The following ATF6 variants were observed in gnomAD, a reference collection of about 807,000 sequenced individuals.
The protein encoded by ATF6 is cyclic AMP-dependent transcription factor ATF-6 alpha.
Under a neutral mutation model 83.6 loss-of-function variants are expected in ATF6, and 53 were observed. The ratio of observed to expected loss-of-function variants is 0.63; its 90% CI spans 0.51 to 0.80. The LOEUF (loss-of-function observed/expected upper bound fraction) is 0.80, where lower values mean the gene tolerates loss of function less well. ATF6 is among the 30% of genes least tolerant of loss of function. ATF6 has a pLI of 0.00. For missense variants in ATF6, 744 were observed against 797.9 expected, an observed-to-expected ratio of 0.93 and a Z score of 0.81; for synonymous variants, 288 against 285.8, an observed-to-expected ratio of 1.01 and a Z score of -0.08.
Position 161,781,969 on chromosome 1 carries a change from A to T in ATF6, c.217A>T (p.Ile73Phe). 6.2e-7 allele frequency: 1 copy of T among 1,611,440 alleles called. No individual in the cohort carries two copies. Among genetic ancestry groups the T allele is most frequent in the Non-Finnish European group, 8.5e-7 (1 of 1,178,742 alleles). ...DLDLMPWESD[I>F]WDINNQICTV... ...GGATTTGATGCCTTGGGAGTCAGACATTTGGGACATCAACAACCAAATCTG... is the reference window on the plus strand; with the variant it reads ...GGATTTGATGCCTTGGGAGTCAGACTTTTGGGACATCAACAACCAAATCTG... Residue 73 changes from isoleucine (I) to phenylalanine (F), a missense_variant, in exon 3 of 16, where the codon ATT (isoleucine) becomes TTT (phenylalanine). Transcript: ENST00000367942.
intron 1 of ATF6, among the ~76,000 whole-genome samples, chr1:161,767,149 G>C (rs909613653): frequency 6.6e-6 from 1 of 152,168 alleles, no homozygotes; most frequent in African/African-American, 2.4e-5. Flanking sequence ...TTCTCCTCTT[G>C]ATTGCAAGAT....
chr1:161,818,717 C>T (rs915931300), intron 7 of ATF6, among the ~76,000 whole-genome samples: 1 of 152,054 alleles, frequency 6.6e-6, no homozygotes, highest in South Asian at 2.1e-4. Flanking sequence ...TATGAAGTAG[C>T]CTTAAATGAT....
intron 3 of ATF6, among the ~76,000 whole-genome samples, chr1:161,782,784 C>G (rs1395618960): frequency 9.6e-6 from 1 of 104,388 alleles, no homozygotes; most frequent in Admixed American, 1.1e-4. Flanking sequence ...AGTCAGTGTT[C>G]TGGTTTTATC....
chr1:161,860,127 G>C, intron 12 of ATF6, 80 bp from the exon 13 acceptor site: 1 of 879,154 alleles, frequency 1.1e-6, no homozygotes, highest in African/African-American at 1.7e-5. Context: ...ACAAATTTAA[G>C]TATAGAATGA....
intron 15 of ATF6, among the ~76,000 whole-genome samples, chr1:161,951,008 A>G (rs1688852614): frequency 1.3e-5 from 2 of 152,214 alleles, no homozygotes; most frequent in Admixed American, 1.3e-4. Flanking sequence ...CAAATCTAAT[A>G]CCATTAGTCT....
intron 12 of ATF6, among the ~76,000 whole-genome samples, chr1:161,859,638 T>C (rs915237527): frequency 1.3e-5 from 2 of 152,188 alleles, no homozygotes; most frequent in Non-Finnish European, 2.9e-5. Flanking sequence ...TAAAAAGGCA[T>C]AGTGCAAAGC....
chr1:161,803,888 A>G (rs1024197877), intron 7 of ATF6, among the ~76,000 whole-genome samples: 2 of 151,928 alleles, frequency 1.3e-5, no homozygotes, highest in African/African-American at 2.4e-5. Flanking sequence ...CATGTGCACA[A>G]TGTGCAGGTT....
At chr1:161,931,383 G>A (rs1390019260) in intron 15 of ATF6, among the ~76,000 whole-genome samples, 4 of 152,108 alleles carry the variant, frequency 2.6e-5, no homozygotes, top group African/African-American at 9.7e-5. Flanking sequence ...ATATTAAATA[G>A]CAGTATCGAA....
chr1:161,767,783 T>C (rs1339947368), intron 1 of ATF6, among the ~76,000 whole-genome samples: 1 of 152,254 alleles, frequency 6.6e-6, no homozygotes, highest in Non-Finnish European at 1.5e-5. Context: ...TTAATAAGAC[T>C]ACTTGAATAT....
intron 14 of ATF6, among the ~76,000 whole-genome samples, chr1:161,892,628 C>CTTTTTTTTTTTTTTTTTT (rs773642361): frequency 2.4e-5 from 3 of 124,714 alleles, no homozygotes; most frequent in African/African-American, 6.1e-5. Flanking sequence ...ACAGGTCATT[C>CTTTTTTTTTTTTTTTTTT]TTTTTTTTTT....
intron 15 of ATF6, among the ~76,000 whole-genome samples, chr1:161,954,412 C>G (rs1688926339): frequency 6.6e-6 from 1 of 152,186 alleles, no homozygotes; most frequent in Admixed American, 6.5e-5. Context: ...CTAGTTTACA[C>G]AGAGAAAGCT....
intron 15 of ATF6, among the ~76,000 whole-genome samples, chr1:161,916,746 T>G (rs1688110366): frequency 6.6e-6 from 1 of 152,192 alleles, no homozygotes; most frequent in Non-Finnish European, 1.5e-5. Flanking sequence ...TTAGACTTAT[T>G]TAGGTATAAT....
Position 161,872,487 on chromosome 1 carries a change from G to A in ATF6, c.1719+9175G>A, listed in dbSNP as rs1687141822. 3.3e-5 allele frequency among the ~76,000 whole-genome samples: 5 copies of A among 151,578 alleles called. 1 individual carries two copies. In the South Asian group the frequency reaches 1.0e-3, roughly 31 times the overall value. ...GCCACATGTTACTCAAAGTAATAGT[G>A]TAGGAGGAACAAGAGCCAGCAGGGA... On this transcript the variant is annotated intron_variant, in intron 14 of 15. Coordinates refer to ENST00000367942, the MANE Select transcript of ATF6 (RefSeq NM_007348.4).
chr1:161,849,056 T>C (rs1440934875), intron 10 of ATF6, among the ~76,000 whole-genome samples: 1 of 152,188 alleles, frequency 6.6e-6, no homozygotes, highest in Non-Finnish European at 1.5e-5. Flanking sequence ...TTTGGACTTT[T>C]CTCATGGACT....
chr1:161,946,193 C>T (rs1019438889), intron 15 of ATF6, among the ~76,000 whole-genome samples: 1 of 152,092 alleles, frequency 6.6e-6, no homozygotes, highest in African/African-American at 2.4e-5. Flanking sequence ...CAGGAGTACT[C>T]CATGTTGCCC....
Position 161,863,274 on chromosome 1 carries a change from A to G in ATF6, c.1681A>G (p.Arg561Gly). The change falls in exon 14 of 16, where the codon AGA (arginine) becomes GGA (glycine). Residue 561 changes from arginine (R) to glycine (G), a missense_variant. Coordinates refer to ENST00000367942, the MANE Select transcript of ATF6 (RefSeq NM_007348.4). Reference sequence around the variant, plus strand: ...TCAAGACTTTTTTGAAGCCATCCGCAGAAGGGGAGACACATTTTATGTTGT... The same window carrying G: ...TCAAGACTTTTTTGAAGCCATCCGCGGAAGGGGAGACACATTTTATGTTGT... ...SYQDFFEAIRRRGDTFYVVSF... is the reference protein window; with the variant it reads ...SYQDFFEAIRGRGDTFYVVSF... The G allele has an allele frequency of 6.2e-7, 1 of 1,612,874 alleles. No homozygotes were observed. Among genetic ancestry groups the G allele is most frequent in the Non-Finnish European group, 8.5e-7 (1 of 1,178,926 alleles).
At chr1:161,804,609 G>A (rs12117295) in intron 7 of ATF6, among the ~76,000 whole-genome samples, 42,233 of 151,578 alleles carry the variant, frequency 0.28, 7,263 homozygotes, top group Middle Eastern at 0.39. Context: ...ATATAGAAAG[G>A]TTTCTTCTAA....
At position 161,819,067 on chromosome 1, in the gene ATF6, T is replaced by A. The variant is rs1685685721; in HGVS notation, c.910-566T>A. Among the ~76,000 whole-genome samples, 7 of 152,196 alleles carry A rather than the reference T, an allele frequency of 4.6e-5. No individual in the cohort carries two copies. In the South Asian group the frequency reaches 1.5e-3, roughly 32 times the overall value. On this transcript the variant is annotated intron_variant, in intron 7 of 15. Coordinates refer to ENST00000367942, the MANE Select transcript of ATF6 (RefSeq NM_007348.4). ...TCACTGGAATAAATTTGGTCATTAG[T>A]ATATACTTTTAACATATTCAATGAG...
At chr1:161,938,704 T>A (rs1301596713) in intron 15 of ATF6, among the ~76,000 whole-genome samples, 3 of 152,176 alleles carry the variant, frequency 2.0e-5, no homozygotes, top group Non-Finnish European at 4.4e-5. Context: ...ACCTTAAAGG[T>A]CTCAAGTTCA....
Sources: allele counts gnomAD v4.1 joint callset (sites outside exome capture counted in the v4.1 genomes callset), GRCh38; gene constraint gnomAD v4.1.1; transcripts MANE v1.5; gene names NCBI Gene and HGNC (gene_info 2026-07-23, HGNC 2026-07-21).